AGAP1: variants seen among roughly 807,000 people sequenced by gnomAD.
The protein encoded by AGAP1 is ArfGAP with GTPase domain, ankyrin repeat and PH domain 1, also known as arf-GAP with GTPase, ANK repeat and PH domain-containing protein 1.
In AGAP1, 29 loss-of-function variants were observed where a neutral mutation model predicts 105.3. The ratio of observed to expected loss-of-function variants is 0.28; its 90% CI spans 0.21 to 0.38. AGAP1 has a LOEUF of 0.38. Ranked by LOEUF, AGAP1 falls within the 10% of genes least tolerant of loss-of-function variation. AGAP1 has a pLI of 1.00. For missense variants in AGAP1, 998 were observed against 1,165.1 expected (o/e 0.86, Z 2.09); for synonymous variants, 509 against 485.9 (o/e 1.05, Z -0.63).
chr2:235,611,624 G>A lies in AGAP1; in HGVS notation c.164-97555G>A, dbSNP rs1212375992. Among the ~76,000 whole-genome samples the A allele has an allele frequency of 6.6e-6, 1 of 152,176 alleles. No homozygotes were observed. The highest frequency in any genetic ancestry group is 1.5e-5 in the Non-Finnish European group (1 of 68,038). ...TCCACATGTGTTCTCTGAACAGGGA[G>A]CCCAGGGAGGCTTGGATCTTTAGAT... On this transcript the variant is annotated intron_variant, in intron 1 of 17. Transcript: ENST00000304032. This position sits in a 1 kb window ranked among gnomAD's most constrained non-coding sequence, Gnocchi z 5.0.
intron 9 of AGAP1, among the ~76,000 whole-genome samples, chr2:235,818,888 C>G (rs1282576176): frequency 6.6e-6 from 1 of 151,952 alleles, no homozygotes; most frequent in Non-Finnish European, 1.5e-5. Context: ...GCCATCTTTT[C>G]TGTGCAAGAT....
intron 12 of AGAP1, among the ~76,000 whole-genome samples, chr2:235,933,679 C>A (rs1470766933): frequency 6.6e-6 from 1 of 152,016 alleles, no homozygotes; most frequent in East Asian, 2.0e-4. Context: ...ACTGCAGGCA[C>A]GCGCCACCGT....
rs3754657 is a variant in AGAP1 at position 236,042,662 on chromosome 2, G to A, written c.1891+1821G>A. Among the ~76,000 whole-genome samples, 16 of 152,224 alleles carry A rather than the reference G, an allele frequency of 1.1e-4. No individual in the cohort carries two copies. Among genetic ancestry groups the A allele is most frequent in the East Asian group, 3.9e-4 (2 of 5,162 alleles). ...CGGGGACCATGATACCTGGCAAATC[G>A]GAGGTCGCAGGTCCTGTCTGAGATG... On this transcript the variant is annotated intron_variant, in intron 15 of 17. Coordinates refer to ENST00000304032, the MANE Select transcript of AGAP1 (RefSeq NM_001037131.3). The surrounding 1 kb of genome is among the most constrained non-coding windows in gnomAD (Gnocchi z 5.6).
intron 11 of AGAP1, among the ~76,000 whole-genome samples, chr2:235,915,045 C>T (rs2051804657): frequency 1.3e-5 from 2 of 152,112 alleles, no homozygotes; most frequent in Admixed American, 6.5e-5. Flanking sequence ...GTATGAAGTG[C>T]ACCGGCCAGC....
In AGAP1 at chr2:235,662,605, C is replaced by T. The variant is rs1015234799; in HGVS notation, c.164-46574C>T. On this transcript the variant is annotated intron_variant, in intron 1 of 17. Transcript: ENST00000304032. The surrounding 1 kb of genome is among the most constrained non-coding windows in gnomAD (Gnocchi z 4.2). ...CACTGCAACCTCTGCCTCCTGGGTT[C>T]AAGCGATTTTTCTGCCTCAGCCTCC... is the stretch of plus-strand genomic sequence containing the variant. 1.3e-5 allele frequency among the ~76,000 whole-genome samples: 2 copies of T among 149,988 alleles called. No homozygotes were observed. Among genetic ancestry groups the T allele is most frequent in the African/African-American group, 2.5e-5 (1 of 40,648 alleles).
chr2:236,041,165 G>C (rs556090644), intron 15 of AGAP1, among the ~76,000 whole-genome samples: 125 of 152,112 alleles, frequency 8.2e-4, no homozygotes, highest in Non-Finnish European at 1.7e-3. Context: ...AATTCAAGAC[G>C]AGCCTGGGCA....
chr2:235,589,822 A>G (rs1318114835), intron 1 of AGAP1, among the ~76,000 whole-genome samples: 2 of 123,472 alleles, frequency 1.6e-5, no homozygotes, highest in East Asian at 3.9e-4. Context: ...CAGAGCATCT[A>G]GAGAGAGAGA....
chr2:235,892,667 C>T (rs1255850112), intron 10 of AGAP1, among the ~76,000 whole-genome samples: 1 of 152,064 alleles, frequency 6.6e-6, no homozygotes, highest in Non-Finnish European at 1.5e-5. Context: ...ACACGAATTC[C>T]TCACATAGGA....
chr2:235,919,846 C>T lies in AGAP1; in HGVS notation c.1325-10919C>T, dbSNP rs915880611. 4.6e-5 allele frequency among the ~76,000 whole-genome samples: 7 copies of T among 152,208 alleles called. No homozygotes were observed. The East Asian group carries it at 1.2e-3, about 25-fold the overall frequency. Reference sequence around the variant, plus strand: ...TTCTCCGTCTTCACAATGCTTACACCCCTCATCCTCGCTGTTGCATCAGCT... The same window carrying T: ...TTCTCCGTCTTCACAATGCTTACACTCCTCATCCTCGCTGTTGCATCAGCT... On this transcript the variant is annotated intron_variant, in intron 11 of 17. Coordinates refer to ENST00000304032, the MANE Select transcript of AGAP1 (RefSeq NM_001037131.3). This position sits in a 1 kb window ranked among gnomAD's most constrained non-coding sequence, Gnocchi z 4.1.
intron 1 of AGAP1, among the ~76,000 whole-genome samples, chr2:235,590,763 C>G (rs897930038): frequency 1.5e-5 from 2 of 136,888 alleles, no homozygotes; most frequent in Non-Finnish European, 3.1e-5. Context: ...CTCTGTCGCC[C>G]AGGCTGGAGT....
intron 9 of AGAP1, among the ~76,000 whole-genome samples, chr2:235,826,234 T>C (rs1348982307): frequency 6.6e-6 from 1 of 152,124 alleles, no homozygotes; most frequent in African/African-American, 2.4e-5. Context: ...TACCCCCAAA[T>C]AGGGTGACCT....
At chr2:235,760,421 T>C (rs1233761017) in intron 6 of AGAP1, among the ~76,000 whole-genome samples, 2 of 152,204 alleles carry the variant, frequency 1.3e-5, no homozygotes, top group African/African-American at 4.8e-5. Flanking sequence ...ATGTGTAAGA[T>C]AGAATTCGTT....
intron 1 of AGAP1, among the ~76,000 whole-genome samples, chr2:235,628,797 C>T (rs1034419233): frequency 6.6e-6 from 1 of 151,920 alleles, no homozygotes; most frequent in Admixed American, 6.6e-5. Flanking sequence ...CCCAAGTCCC[C>T]GAAGTCCATG....
In AGAP1 at chr2:236,131,031, G is replaced by T. The variant is rs977386498; in HGVS notation, c.*6909G>T. ...AAAGTGTGCATTTAGAAGCTGCTTC[G>T]TGGCGTTAAGAACGGGGGGAGAGGG... On this transcript the variant is annotated 3_prime_UTR_variant, in exon 18 of 18. Transcript: ENST00000304032. The surrounding 1 kb of genome is among the most constrained non-coding windows in gnomAD (Gnocchi z 5.9). 1 of 152,240 alleles carries T rather than the reference G, an allele frequency of 6.6e-6. No individual in the cohort carries two copies. Among genetic ancestry groups the T allele is most frequent in the African/African-American group, 2.4e-5 (1 of 41,440 alleles). 9.4% of individuals were successfully genotyped at this position (152,240 alleles called of 1,614,324 possible). A position where few individuals can be genotyped will look rare whatever the true frequency, so the allele number is the denominator to read the frequency against.
chr2:235,977,803 G>A lies in AGAP1; in HGVS notation c.1645+9180G>A, dbSNP rs2054923771. Among the ~76,000 whole-genome samples, 1 of 152,172 alleles carries A rather than the reference G, an allele frequency of 6.6e-6. No individual in the cohort carries two copies. Among genetic ancestry groups the A allele is most frequent in the Non-Finnish European group, 1.5e-5 (1 of 68,032 alleles). On this transcript the variant is annotated intron_variant, in intron 13 of 17. Coordinates refer to ENST00000304032, the MANE Select transcript of AGAP1 (RefSeq NM_001037131.3). The surrounding 1 kb of genome is among the most constrained non-coding windows in gnomAD (Gnocchi z 5.2). ...ACTTAGTCTGTGTGGAAGCAACTTG[G>A]CAAATGGGGAGGATGAAATAAAATT...
intron 6 of AGAP1, among the ~76,000 whole-genome samples, chr2:235,757,991 G>A (rs894378533): frequency 3.9e-5 from 6 of 152,184 alleles, no homozygotes; most frequent in African/African-American, 1.4e-4. Flanking sequence ...TCCTTGTGCT[G>A]TTAAAGGATG....
At chr2:235,636,115 G>GTAAATAAATAAATAAATAAATAAATAAA (rs10587179) in intron 1 of AGAP1, among the ~76,000 whole-genome samples, 1 of 143,984 alleles carries the variant, frequency 6.9e-6, no homozygotes, top group Admixed American at 6.9e-5. Context: ...CTCTGTCTCA[G>GTAAATAAATAAATAAATAAATAAATAAA]TAAATAAATA....
At chr2:235,693,283 G>C (rs1949828147) in intron 1 of AGAP1, among the ~76,000 whole-genome samples, 1 of 152,200 alleles carries the variant, frequency 6.6e-6, no homozygotes, top group African/African-American at 2.4e-5. Flanking sequence ...GGCCTTAGGA[G>C]CTGGGGTAGT....
intron 9 of AGAP1, among the ~76,000 whole-genome samples, chr2:235,818,094 C>A (rs1004058117): frequency 6.6e-6 from 1 of 152,216 alleles, no homozygotes; most frequent in Non-Finnish European, 1.5e-5. Flanking sequence ...CTAACCTTTC[C>A]TTCTGCTTAA....
Sources: gnomAD v4.1 joint callset for allele counts (sites outside exome capture counted in the v4.1 genomes callset) on GRCh38, gnomAD v4.1.1 for gene constraint, Gnocchi (gnomAD v3.1) non-coding constraint, MANE v1.5 for transcripts, NCBI Gene and HGNC (gene_info 2026-07-23, HGNC 2026-07-21) for gene names.